TULP3: variants seen among roughly 807,000 people sequenced by gnomAD.
TULP3 encodes the protein tubby-related protein 3.
A neutral mutation model predicts 50.7 loss-of-function variants in TULP3; 38 were observed. The ratio of observed to expected loss-of-function variants is 0.75; its 90% CI spans 0.58 to 0.98. The LOEUF is 0.98. TULP3 is among the 50% of genes least tolerant of loss of function. The pLI is 0.00. For synonymous variants in TULP3, 183 were observed against 196.6 expected, an observed-to-expected ratio of 0.93 and a Z score of 0.58; for missense variants, 550 against 568.0, an observed-to-expected ratio of 0.97 and a Z score of 0.32.
chr12:2,903,060 C>T (rs1452932455), intron 1 of TULP3, among the ~76,000 whole-genome samples: 1 of 151,588 alleles, frequency 6.6e-6, no homozygotes, highest in East Asian at 2.0e-4. Context: ...TGGGGTTTCA[C>T]CATGTTGGTC....
chr12:2,937,506 T>A (rs746573560), intron 8 of TULP3, 125 bp from the exon 9 acceptor site: 71 of 738,822 alleles, frequency 9.6e-5, no homozygotes, highest in Admixed American at 1.9e-4. Context: ...CGTGATCCAC[T>A]GCCCCGGCTG....
At chr12:2,923,573 C>T (rs887560951) in intron 4 of TULP3, among the ~76,000 whole-genome samples, 32 of 150,818 alleles carry the variant, frequency 2.1e-4, no homozygotes, top group African/African-American at 7.6e-4. Flanking sequence ...ATTGCTTGAA[C>T]TTGGGAGGCA....
intron 2 of TULP3, among the ~76,000 whole-genome samples, chr12:2,919,236 A>G (rs559294736): frequency 2.0e-5 from 3 of 152,334 alleles, no homozygotes; most frequent in Non-Finnish European, 2.9e-5. Context: ...GGAAGTCATT[A>G]TAGCCTCCTG....
intron 4 of TULP3, among the ~76,000 whole-genome samples, chr12:2,923,874 G>C (rs1047588804): frequency 1.3e-5 from 2 of 151,714 alleles, no homozygotes; most frequent in African/African-American, 2.4e-5. Flanking sequence ...CAGCTACTTG[G>C]GGGGCTGAGG....
chr12:2,933,333 T>A (rs1236739089), intron 6 of TULP3, 85 bp from the exon 7 acceptor site: 2 of 811,972 alleles, frequency 2.5e-6, no homozygotes, highest in Non-Finnish European at 4.2e-6. Flanking sequence ...AAGCACTGGC[T>A]GAATGAATAT....
At chr12:2,899,888 G>A (rs1262905682) in intron 1 of TULP3, among the ~76,000 whole-genome samples, 8 of 116,334 alleles carry the variant, frequency 6.9e-5, no homozygotes, top group African/African-American at 2.7e-4. Flanking sequence ...GCGAGACTCC[G>A]TCTCAAAAAA....
At chr12:2,933,570 A>C in intron 7 of TULP3, 40 bp downstream of exon 7, 1 of 1,277,898 alleles carries the variant, frequency 7.8e-7, no homozygotes, top group Non-Finnish European at 1.1e-6. Context: ...TCTTTCTGAT[A>C]GTCTTATTCC....
chr12:2,934,592 G>A, intron 8 of TULP3, 31 bp downstream of exon 8: 1 of 1,471,112 alleles, frequency 6.8e-7, no homozygotes, highest in Non-Finnish European at 9.2e-7. Flanking sequence ...GCCGCTGCCT[G>A]CCCTCCTGGT....
Position 2,940,785 on chromosome 12 carries a change from C to T in TULP3, c.*1341C>T, listed in dbSNP as rs1189789118. The T allele has an allele frequency of 7.0e-7, 1 of 1,432,198 alleles. No homozygotes were observed. The highest frequency in any genetic ancestry group is 1.4e-5 in the African/African-American group (1 of 70,670). The allele number at this position is 1,432,198 out of a possible 1,614,324, so 88.7% of individuals were successfully genotyped here. On this transcript the variant is annotated 3_prime_UTR_variant, in exon 11 of 11. Coordinates refer to ENST00000448120, the MANE Select transcript of TULP3 (RefSeq NM_003324.5). ...CTTGTCCCCCACCGACAAGTCCCACCTGCTGGGTGAGGACGAGACTGTTTC... is the reference window on the plus strand; with the variant it reads ...CTTGTCCCCCACCGACAAGTCCCACTTGCTGGGTGAGGACGAGACTGTTTC...
chr12:2,898,166 T>G (rs1319705348), intron 1 of TULP3, among the ~76,000 whole-genome samples: 1 of 151,634 alleles, frequency 6.6e-6, no homozygotes, highest in East Asian at 1.9e-4. Context: ...CACAATAACC[T>G]TCTGAGTTAA....
intron 1 of TULP3, among the ~76,000 whole-genome samples, chr12:2,906,134 G>T (rs1308254291): frequency 6.6e-6 from 1 of 150,468 alleles, no homozygotes; most frequent in Non-Finnish European, 1.5e-5. Context: ...AGGTTCACAC[G>T]ATTCTCCTGC....
rs536853680 is a variant in TULP3 at position 2,940,845 on chromosome 12, C to T, written c.*1401C>T. 1.5e-5 allele frequency: 14 copies of T among 914,532 alleles called. No homozygotes were observed. In the African/African-American group the frequency reaches 2.3e-4, roughly 15 times the overall value. The allele number at this position is 914,532 out of a possible 1,614,324, so 56.7% of individuals were successfully genotyped here. A position where few individuals can be genotyped will look rare whatever the true frequency, so the allele number is the denominator to read the frequency against. ...CATGTATCCCACCAAGTGCCTCCCT[C>T]ACAGCCATGCCCAGAAGCCTCACAC... On this transcript the variant is annotated 3_prime_UTR_variant, in exon 11 of 11. Transcript: ENST00000448120.
chr12:2,937,739 A>C lies in TULP3; in HGVS notation c.1023+10A>C. The C allele has an allele frequency of 6.3e-7, 1 of 1,594,644 alleles. No individual in the cohort carries two copies. Among genetic ancestry groups the C allele is most frequent in the Non-Finnish European group, 8.6e-7 (1 of 1,163,650 alleles). ...CTATCAGCCACAAAACGTGAGTAAGAATGTATTTAAATCAGTGAAAGACTC... is the reference window on the plus strand; with the variant it reads ...CTATCAGCCACAAAACGTGAGTAAGCATGTATTTAAATCAGTGAAAGACTC... On this transcript the variant is annotated intron_variant, in intron 9 of 10. Transcript: ENST00000448120.
At chr12:2,901,126 C>CT (rs1009997949) in intron 1 of TULP3, among the ~76,000 whole-genome samples, 1 of 150,840 alleles carries the variant, frequency 6.6e-6, no homozygotes, top group Non-Finnish European at 1.5e-5. Context: ...CCCCCCACCT[C>CT]TTTTTTTTGA....
chr12:2,935,741 G>C (rs2098200838), intron 8 of TULP3, among the ~76,000 whole-genome samples: 12 of 151,998 alleles, frequency 7.9e-5, no homozygotes, highest in Admixed American at 7.2e-4. Flanking sequence ...GGGAGGCTGA[G>C]GTGGGCAGAT....
intron 4 of TULP3, 85 bp from the exon 5 acceptor site, chr12:2,930,163 A>G: frequency 1.0e-6 from 1 of 967,094 alleles, no homozygotes; most frequent in Non-Finnish European, 1.6e-6. Flanking sequence ...AGAATGTTTT[A>G]AGCAAGAAAA....
chr12:2,930,087 G>A (rs1171307521), intron 4 of TULP3, among the ~76,000 whole-genome samples, 161 bp from the exon 5 acceptor site: 1 of 152,002 alleles, frequency 6.6e-6, no homozygotes, highest in Non-Finnish European at 1.5e-5. Flanking sequence ...TCTACTTTCT[G>A]TCTCTATGAA....
intron 8 of TULP3, among the ~76,000 whole-genome samples, chr12:2,935,102 C>T (rs1489409789): frequency 6.6e-6 from 1 of 152,212 alleles, no homozygotes. Flanking sequence ...AGTTGATCCT[C>T]CTGTTCTGCT....
chr12:2,932,965 C>T (rs1475875481), intron 6 of TULP3, among the ~76,000 whole-genome samples: 2 of 149,948 alleles, frequency 1.3e-5, no homozygotes, highest in Non-Finnish European at 3.0e-5. Flanking sequence ...TTTTTTGAGA[C>T]AGAGTCTCAT....
Sources: gnomAD v4.1 joint callset for allele counts (sites outside exome capture counted in the v4.1 genomes callset) on GRCh38, gnomAD v4.1.1 for gene constraint, MANE v1.5 for transcripts, NCBI Gene and HGNC (gene_info 2026-07-23, HGNC 2026-07-21) for gene names.